Variants in TTC3 observed in about 807,000 individuals in gnomAD.
The protein encoded by TTC3 is E3 ubiquitin-protein ligase TTC3.
Under a neutral mutation model 249.6 loss-of-function variants are expected in TTC3, and 180 were observed. The observed-to-expected ratio is 0.72, with a 90% confidence interval of 0.64 to 0.82. TTC3 has a LOEUF of 0.82. TTC3 is among the 40% of genes least tolerant of loss of function. The pLI, the probability that TTC3 is intolerant of heterozygous loss-of-function variation, is 0.00. For missense variants in TTC3, 2,061 were observed against 2,398.4 expected, an observed-to-expected ratio of 0.86 and a Z score of 2.94; for synonymous variants, 717 against 805.0, an observed-to-expected ratio of 0.89 and a Z score of 1.85.
chr21:37,078,274 G>A (rs1949103101), intron 1 of TTC3, among the ~76,000 whole-genome samples: 1 of 152,084 alleles, frequency 6.6e-6, no homozygotes, highest in Non-Finnish European at 1.5e-5. Flanking sequence ...CTCGGTATCT[G>A]GGGAGGACTT....
At chr21:37,146,657 T>C (rs2079012084) in intron 21 of TTC3, among the ~76,000 whole-genome samples, 1 of 152,070 alleles carries the variant, frequency 6.6e-6, no homozygotes, top group Admixed American at 6.6e-5. Context: ...AGTCTGTATA[T>C]AGTGACAGAA....
At chr21:37,145,495 GA>G (rs1424763371) in intron 21 of TTC3, among the ~76,000 whole-genome samples, 1 of 152,222 alleles carries the variant, frequency 6.6e-6, no homozygotes, top group African/African-American at 2.4e-5. Flanking sequence ...CAAGGGTGTA[GA>G]AAAATGGGAA....
At chr21:37,193,603 A>G (rs957081980) in intron 41 of TTC3, among the ~76,000 whole-genome samples, 2 of 152,326 alleles carry the variant, frequency 1.3e-5, no homozygotes, top group African/African-American at 2.4e-5. Context: ...TATTTTATCA[A>G]TACTCAAAAG....
chr21:37,184,973 G>T (rs2083103118), intron 36 of TTC3, among the ~76,000 whole-genome samples: 1 of 152,274 alleles, frequency 6.6e-6, no homozygotes. Context: ...TTGGTACAGT[G>T]ACACAAACCA....
chr21:37,185,779 A>G lies in TTC3; in HGVS notation c.4826+5A>G. 1 of 1,519,760 alleles carries G rather than the reference A, an allele frequency of 6.6e-7. No homozygotes were observed. The highest frequency in any genetic ancestry group is 8.8e-7 in the Non-Finnish European group (1 of 1,134,180). The allele number at this position is 1,519,760 out of a possible 1,614,324, so 94.1% of individuals were successfully genotyped here. A position where few individuals can be genotyped will look rare whatever the true frequency, so the allele number is the denominator to read the frequency against. On this transcript the variant is annotated splice_donor_5th_base_variant and intron_variant, in intron 37 of 45. Transcript: ENST00000355666. ...GGATCAGTCCCTTGAAATCAGGCAAATTAAGCTTAAATTTATTTTTAATAT... is the reference window on the plus strand; with the variant it reads ...GGATCAGTCCCTTGAAATCAGGCAAGTTAAGCTTAAATTTATTTTTAATAT...
intron 10 of TTC3, among the ~76,000 whole-genome samples, chr21:37,103,951 T>C (rs529140138): frequency 6.6e-6 from 1 of 150,504 alleles, no homozygotes; most frequent in East Asian, 1.9e-4. Context: ...GATTAGCACT[T>C]AAAAAAAAAA....
intron 40 of TTC3, among the ~76,000 whole-genome samples, chr21:37,191,702 C>A (rs910303030): frequency 5.9e-5 from 9 of 152,158 alleles, no homozygotes; most frequent in Non-Finnish European, 1.3e-4. Flanking sequence ...CCTCAGCCCC[C>A]CAAGTAGCTG....
Position 37,141,745 on chromosome 21 carries a change from G to T in TTC3, c.1772+1072G>T, listed in dbSNP as rs550177128. On this transcript the variant is annotated intron_variant, in intron 20 of 45. Transcript: ENST00000355666. ...GATTGCACCACTGTACTCCAGCCTGGGCGACAGAGTGAGACTCCATCTCAA... is the reference window on the plus strand; with the variant it reads ...GATTGCACCACTGTACTCCAGCCTGTGCGACAGAGTGAGACTCCATCTCAA... Among the ~76,000 whole-genome samples, 7 of 152,198 alleles carry T rather than the reference G, an allele frequency of 4.6e-5. No individual in the cohort carries two copies. In the South Asian group the frequency reaches 1.5e-3, roughly 32 times the overall value.
At chr21:37,101,937 TA>T (rs1361050437) in intron 10 of TTC3, among the ~76,000 whole-genome samples, 1 of 145,116 alleles carries the variant, frequency 6.9e-6, no homozygotes, top group Non-Finnish European at 1.5e-5. Flanking sequence ...TATATTAGTT[TA>T]TATTAGTATA....
intron 1 of TTC3, chr21:37,082,566 A>G: frequency 1.0e-6 from 1 of 985,300 alleles, no homozygotes; most frequent in Non-Finnish European, 1.2e-6. Flanking sequence ...CAGTGTCCTG[A>G]TCCTATTACT....
At chr21:37,100,612 T>G (rs2074385514) in intron 10 of TTC3, among the ~76,000 whole-genome samples, 1 of 152,134 alleles carries the variant, frequency 6.6e-6, no homozygotes. Context: ...CCAAGAGCCT[T>G]TCAAAACCCC....
At chr21:37,202,421 T>A (rs1262083009) in exon 46 of TTC3, 1 of 152,280 alleles carries the variant, frequency 6.6e-6, no homozygotes, top group Non-Finnish European at 1.5e-5. Flanking sequence ...AGCGAGTGCT[T>A]GGGATCCGCA....
At chr21:37,181,371 A>G (rs2082742058) in intron 35 of TTC3, among the ~76,000 whole-genome samples, 1 of 152,252 alleles carries the variant, frequency 6.6e-6, no homozygotes, top group Admixed American at 6.5e-5. Context: ...GAATAGGAGC[A>G]CAGGATAGGT....
At chr21:37,149,795 GA>G (rs965316642) in intron 23 of TTC3, among the ~76,000 whole-genome samples, 3 of 152,204 alleles carry the variant, frequency 2.0e-5, no homozygotes, top group Non-Finnish European at 4.4e-5. Context: ...TCCAGTCTAT[GA>G]AGTGTTTGTT....
chr21:37,156,879 G>A (rs778169602), exon 28 of TTC3: 24 of 1,613,660 alleles, frequency 1.5e-5, no homozygotes, highest in Admixed American at 1.2e-4. Context: ...ATTGCATAGT[G>A]CTTTAGATGA....
intron 11 of TTC3, among the ~76,000 whole-genome samples, chr21:37,110,302 A>G (rs1406047953): frequency 6.9e-6 from 1 of 145,412 alleles, no homozygotes; most frequent in Non-Finnish European, 1.5e-5. Context: ...AGAAGTTAGA[A>G]ACTTTGAAAA....
chr21:37,176,304 C>T (rs1179877911), intron 35 of TTC3, among the ~76,000 whole-genome samples: 4 of 152,084 alleles, frequency 2.6e-5, no homozygotes, highest in Non-Finnish European at 5.9e-5. Context: ...TAACCATTAC[C>T]ACTGTCTAAT....
intron 5 of TTC3, among the ~76,000 whole-genome samples, chr21:37,089,357 T>C (rs1354207649): frequency 6.6e-6 from 1 of 152,120 alleles, no homozygotes; most frequent in Non-Finnish European, 1.5e-5. Context: ...AGCTATTGGA[T>C]AGCTTTTTAA....
At chr21:37,096,527 T>C (rs1217083655) in intron 9 of TTC3, 54 bp from the exon 10 acceptor site, 7 of 1,383,136 alleles carry the variant, frequency 5.1e-6, no homozygotes, top group Non-Finnish European at 7.1e-6. Flanking sequence ...TACGTGATTT[T>C]TATTTGTTTC....
Sources: allele counts gnomAD v4.1 joint callset (sites outside exome capture counted in the v4.1 genomes callset), GRCh38; gene constraint gnomAD v4.1.1; transcripts MANE v1.5; gene names NCBI Gene and HGNC (gene_info 2026-07-23, HGNC 2026-07-21).